TIAM1: variants seen among roughly 807,000 people sequenced by gnomAD.
TIAM1 encodes the protein TIAM Rac1 associated GEF 1.
In TIAM1, 65 loss-of-function variants were observed where a neutral mutation model predicts 163.5. That is an observed-to-expected ratio of 0.40 (90% CI 0.33 to 0.49). The LOEUF is 0.49. Among genes scored for constraint, TIAM1 ranks in the 20% least tolerant of loss-of-function variants. The pLI, the probability that TIAM1 is intolerant of heterozygous loss-of-function variation, is 0.77. For synonymous variants in TIAM1, 833 were observed against 810.1 expected, an observed-to-expected ratio of 1.03 and a Z score of -0.48; for missense variants, 1,789 against 2,044.7, an observed-to-expected ratio of 0.87 and a Z score of 2.41.
intron 16 of TIAM1, among the ~76,000 whole-genome samples, chr21:31,162,016 C>A (rs2083950767): frequency 6.6e-6 from 1 of 152,092 alleles, no homozygotes; most frequent in Non-Finnish European, 1.5e-5. Flanking sequence ...CCTACAGCAC[C>A]ACTAATAAAT....
Position 31,245,472 on chromosome 21 carries a change from G to C in TIAM1, c.1584+16C>G. ...CAGAGGTTTGAAATGCCCTGCAAAG[G>C]AAGTGCCCAACAAACCTGAAAAAGG... On this transcript the variant is annotated intron_variant, in intron 6 of 27. Coordinates refer to ENST00000541036, the MANE Select transcript of TIAM1 (RefSeq NM_001353694.2). The C allele has an allele frequency of 1.4e-6, 2 of 1,436,494 alleles. No individual in the cohort carries two copies. Among genetic ancestry groups the C allele is most frequent in the Non-Finnish European group, 1.8e-6 (2 of 1,081,492 alleles). 89.0% of individuals were successfully genotyped at this position (1,436,494 alleles called of 1,614,324 possible).
At chr21:31,336,011 T>C (rs2075826958) in intron 2 of TIAM1, among the ~76,000 whole-genome samples, 2 of 152,164 alleles carry the variant, frequency 1.3e-5, no homozygotes, top group Admixed American at 1.3e-4. Context: ...AGCAGAAGTA[T>C]GCCAGGCACA....
chr21:31,323,232 G>A (rs1047094178), intron 2 of TIAM1, among the ~76,000 whole-genome samples: 7 of 151,292 alleles, frequency 4.6e-5, no homozygotes, highest in Non-Finnish European at 1.0e-4. Context: ...AGCTTGCAGT[G>A]AGCCAAGATC....
chr21:31,301,801 T>C (rs759592919), intron 2 of TIAM1, among the ~76,000 whole-genome samples: 1 of 151,186 alleles, frequency 6.6e-6, no homozygotes, highest in Non-Finnish European at 1.5e-5. Context: ...GATTGCGTCA[T>C]TGCACTCCAG....
At chr21:31,243,719 C>CA (rs2071346735) in intron 6 of TIAM1, among the ~76,000 whole-genome samples, 2 of 152,188 alleles carry the variant, frequency 1.3e-5, no homozygotes, top group Middle Eastern at 6.8e-3. Flanking sequence ...ACATAATACT[C>CA]AAACTGTTTA....
intron 1 of TIAM1, among the ~76,000 whole-genome samples, chr21:31,550,746 T>C (rs1456468103): frequency 6.6e-6 from 1 of 152,170 alleles, no homozygotes; most frequent in African/African-American, 2.4e-5. Flanking sequence ...TCCTGACTGC[T>C]GACGGAGCTG....
rs1602302588 is a variant in TIAM1, at chr21:31,448,139, A to G, written c.-369+15844T>C. 3.9e-5 allele frequency among the ~76,000 whole-genome samples: 6 copies of G among 152,210 alleles called. No homozygotes were observed. The South Asian group carries it at 1.2e-3, about 32-fold the overall frequency. ...CAAAAACACCCTCATAGAAACAACCAGAATATCTGACCACGTATCTGGGCA... is the reference window on the plus strand; with the variant it reads ...CAAAAACACCCTCATAGAAACAACCGGAATATCTGACCACGTATCTGGGCA... On this transcript the variant is annotated intron_variant, in intron 2 of 28. Coordinates refer to the TIAM1 transcript ENST00000286827.
At position 31,513,202 on chromosome 21, in the gene TIAM1, C is replaced by T. The variant is rs142718144; in HGVS notation, c.-422+45725G>A. ...ACATATACACGTACCATGTTCCAGA[C>T]ACTATTTTAAACCCTTCACAAATAT... On this transcript the variant is annotated intron_variant, in intron 1 of 28. Coordinates refer to the TIAM1 transcript ENST00000286827. Among the ~76,000 whole-genome samples, 26 of 152,250 alleles carry T rather than the reference C, an allele frequency of 1.7e-4. No homozygotes were observed. The East Asian group carries it at 4.8e-3, about 28-fold the overall frequency.
chr21:31,541,030 A>G (rs2048309926), intron 1 of TIAM1, among the ~76,000 whole-genome samples: 1 of 152,228 alleles, frequency 6.6e-6, no homozygotes, highest in African/African-American at 2.4e-5. Context: ...TCTGGAAGGC[A>G]GTTTGGCAAT....
At position 31,509,829 on chromosome 21, in the gene TIAM1, C is replaced by T. The variant is rs146491432; in HGVS notation, c.-421-45794G>A. Among the ~76,000 whole-genome samples the T allele has an allele frequency of 4.8e-3, 736 of 152,292 alleles. 1 individual carries two copies. Among genetic ancestry groups the T allele is most frequent in the Non-Finnish European group, 8.2e-3 (556 of 68,028 alleles). On this transcript the variant is annotated intron_variant, in intron 1 of 28. Coordinates refer to the TIAM1 transcript ENST00000286827. Reference sequence around the variant, plus strand: ...CAGTTCTTTCTACCAGTAAATTCCACGTGCCTGGAGAGCCGCAGAACTTCA... The same window carrying T: ...CAGTTCTTTCTACCAGTAAATTCCATGTGCCTGGAGAGCCGCAGAACTTCA...
intron 2 of TIAM1, among the ~76,000 whole-genome samples, chr21:31,459,524 G>C (rs1029312211): frequency 6.6e-6 from 1 of 152,158 alleles, no homozygotes; most frequent in Non-Finnish European, 1.5e-5. Context: ...ACTCCTAAAA[G>C]CTATTTCAAA....
chr21:31,248,208 A>C (rs2071608581), intron 5 of TIAM1, among the ~76,000 whole-genome samples: 1 of 152,250 alleles, frequency 6.6e-6, no homozygotes, highest in African/African-American at 2.4e-5. Flanking sequence ...AACACACGTT[A>C]GCATAGCTTA....
chr21:31,517,426 A>G (rs1291676696), intron 1 of TIAM1, among the ~76,000 whole-genome samples: 1 of 152,198 alleles, frequency 6.6e-6, no homozygotes, highest in Non-Finnish European at 1.5e-5. Context: ...ATATTAATGG[A>G]TGATACTATT....
chr21:31,354,260 A>T (rs1159158455), intron 2 of TIAM1, among the ~76,000 whole-genome samples: 1 of 152,154 alleles, frequency 6.6e-6, no homozygotes, highest in Non-Finnish European at 1.5e-5. Context: ...CCTCTTAAGG[A>T]CAAATGTGGC....
upstream of TIAM1, among the ~76,000 whole-genome samples, chr21:31,346,673 T>A (rs2076153677): frequency 6.6e-6 from 1 of 152,180 alleles, no homozygotes; most frequent in South Asian, 2.1e-4. Flanking sequence ...ATTATGAGTC[T>A]CCGCTGGAAC....
At chr21:31,170,923 C>G (rs2084475160) in intron 15 of TIAM1, among the ~76,000 whole-genome samples, 1 of 151,170 alleles carries the variant, frequency 6.6e-6, no homozygotes, top group African/African-American at 2.4e-5. Flanking sequence ...ATAATCCCAG[C>G]TACTCAGGAG....
chr21:31,130,807 C>CA, intron 24 of TIAM1, 83 bp downstream of exon 24: 2 of 1,364,952 alleles, frequency 1.5e-6, no homozygotes, highest in Non-Finnish European at 2.1e-6. Context: ...CTCATACTGA[C>CA]AAAATGGTAG....
chr21:31,302,881 C>T (rs1191987100), intron 2 of TIAM1, among the ~76,000 whole-genome samples: 1 of 152,148 alleles, frequency 6.6e-6, no homozygotes, highest in Non-Finnish European at 1.5e-5. Flanking sequence ...TCTCCTGAAA[C>T]AGCAATTGGG....
At chr21:31,508,173 G>C (rs2047093289) in intron 1 of TIAM1, among the ~76,000 whole-genome samples, 1 of 151,938 alleles carries the variant, frequency 6.6e-6, no homozygotes, top group East Asian at 1.9e-4. Context: ...ACGTGGCCCT[G>C]CTCACACCTC....
Sources: gnomAD v4.1 joint callset for allele counts (sites outside exome capture counted in the v4.1 genomes callset) on GRCh38, gnomAD v4.1.1 for gene constraint, MANE v1.5 for transcripts, NCBI Gene and HGNC (gene_info 2026-07-23, HGNC 2026-07-21) for gene names.